Variants in IQCF6 observed in about 807,000 individuals in gnomAD.
The protein encoded by IQCF6 is IQ domain-containing protein F6.
In IQCF6, 15 loss-of-function variants were observed where a neutral mutation model predicts 16.8. The observed-to-expected ratio is 0.89, with a 90% CI of 0.60 to 1.37. The LOEUF (loss-of-function observed/expected upper bound fraction) is 1.37, where lower values mean the gene tolerates loss of function less well. Ranked by LOEUF, IQCF6 falls within the 40% of genes most tolerant of loss-of-function variation. IQCF6 has a pLI of 0.00. For synonymous variants in IQCF6, 64 were observed against 72.8 expected (o/e 0.88, Z 0.61); for missense variants, 169 against 197.4 (o/e 0.86, Z 0.86).
chr3:51,779,098 C>CCCCT lies in IQCF6; in HGVS notation c.72+51_72+54dup, dbSNP rs112635708. On this transcript the variant is annotated intron_variant, in intron 1 of 1. Transcript: ENST00000667863. ...GAGGAAAGAAGGCCTGGCCCAGGTG[C>CCCCT]CCCTGACTTCTTGTTTCTAGGGCCC... The CCCCT allele has an allele frequency of 1.9e-3, 2,703 of 1,435,524 alleles. 30 individuals carry two copies. In the African/African-American group the frequency reaches 0.028, roughly 15 times the overall value. 88.9% of individuals were successfully genotyped at this position (1,435,524 alleles called of 1,614,324 possible). A position where few individuals can be genotyped will look rare whatever the true frequency, so the allele number is the denominator to read the frequency against.
At chr3:51,779,033 G>T in intron 1 of IQCF6, 42 bp from the exon 2 acceptor site, 2 of 1,488,580 alleles carry the variant, frequency 1.3e-6, no homozygotes, top group Non-Finnish European at 1.8e-6. Context: ...CTCAATGGGG[G>T]ACCCTCCCCT....
chr3:51,779,124 A>C, intron 1 of IQCF6, 29 bp downstream of exon 1: 1 of 1,430,968 alleles, frequency 7.0e-7, no homozygotes, highest in Non-Finnish European at 9.1e-7. Context: ...TCTAGGGCCC[A>C]TCCATCTTGT....
Position 51,778,658 on chromosome 3 carries a change from G to A in IQCF6, c.406C>T (p.Arg136Trp), listed in dbSNP as rs958343726. ...AGGATTTCGATGTCAAGCTCCAGCC[G>A]GCTGGCTCTGACCTCATAGTGGCCC... The part of the protein sequence containing the change: ...IRGHYEVRAS[R>W]LELDIEILMT Residue 136 changes from arginine to tryptophan, a missense_variant, in exon 2 of 2, where the codon CGG becomes TGG. By Grantham distance (101) the Arg-to-Trp change is moderately radical. Coordinates refer to ENST00000667863, the MANE Select transcript of IQCF6 (RefSeq NM_001368369.1). The A allele has an allele frequency of 8.4e-5, 130 of 1,543,860 alleles. No homozygotes were observed. Among genetic ancestry groups the A allele is most frequent in the Admixed American group, 7.9e-4 (40 of 50,744 alleles).
At position 51,778,955 on chromosome 3, in the gene IQCF6, G is replaced by A. The variant is rs201204025; in HGVS notation, c.109C>T (p.Arg37Cys). Residue 37 changes from arginine (R) to cysteine (C), a missense_variant, in exon 2 of 2, where the codon CGT becomes TGT. Transcript: ENST00000667863. The stretch of plus-strand genomic sequence containing the variant: ...AACGTCCGGCGCACCATGTTTCCAC[G>A]CCACCATGACTGAATCTTTATGGCT... ...KTAIKIQSWW[R>C]GNMVRRTLLQ... The A allele has an allele frequency of 4.5e-6, 7 of 1,546,348 alleles. No homozygotes were observed. The highest frequency in any genetic ancestry group is 1.2e-5 in the South Asian group (1 of 83,888).
rs1704821596 is a variant in IQCF6, at chr3:51,779,142, C to G, written c.72+11G>C. 1 of 1,428,844 alleles carries G rather than the reference C, an allele frequency of 7.0e-7. No individual in the cohort carries two copies. Among genetic ancestry groups the G allele is most frequent in the East Asian group, 2.5e-5 (1 of 39,870 alleles). The allele number at this position is 1,428,844 out of a possible 1,614,324, so 88.5% of individuals were successfully genotyped here. ...AGGGCCCATCCATCTTGTTTCCAAT[C>G]CCCCACTCACATTTAGACACGGTTC... On this transcript the variant is annotated intron_variant, in intron 1 of 1. Transcript: ENST00000667863.
At position 51,778,593 on chromosome 3, in the gene IQCF6, A is replaced by G; in HGVS notation, c.*30T>C. On this transcript the variant is annotated 3_prime_UTR_variant, in exon 2 of 2. Coordinates refer to ENST00000667863, the MANE Select transcript of IQCF6 (RefSeq NM_001368369.1). The stretch of plus-strand genomic sequence containing the variant: ...TCAGTAAGGGTCTTTATTGGAAGAG[A>G]GATCCAGCCTCCTTGGCTCTGTCAG... 1 of 1,483,294 alleles carries G rather than the reference A, an allele frequency of 6.7e-7. No homozygotes were observed. The highest frequency in any genetic ancestry group is 9.0e-7 in the Non-Finnish European group (1 of 1,111,482). The allele number at this position is 1,483,294 out of a possible 1,614,324, so 91.9% of individuals were successfully genotyped here.
intron 1 of IQCF6, 75 bp from the exon 2 acceptor site, chr3:51,779,066 A>G (rs1352426708): frequency 2.8e-6 from 4 of 1,443,190 alleles, no homozygotes; most frequent in Non-Finnish European, 2.7e-6. Context: ...CCCATCTCTG[A>G]TCTTGGGAGG....
rs1308324829 is a variant in IQCF6, at chr3:51,778,879, A to G, written c.185T>C (p.Met62Thr). The G allele has an allele frequency of 2.6e-6, 4 of 1,551,918 alleles. No individual in the cohort carries two copies. Among genetic ancestry groups the G allele is most frequent in the Non-Finnish European group, 2.6e-6 (3 of 1,147,074 alleles). The change falls in exon 2 of 2, where the codon ATG becomes ACG. Residue 62 changes from methionine (M) to threonine (T), a missense_variant. By Grantham distance (81) the Met-to-Thr change is moderately conservative (BLOSUM62 -1). Transcript: ENST00000667863. Reference sequence around the variant, plus strand: ...TCTTTGCTCCAACATCTTGGCCTGCATTGACCTCCACCAGCACTGGATGAC... The same window carrying G: ...TCTTTGCTCCAACATCTTGGCCTGCGTTGACCTCCACCAGCACTGGATGAC... Reference protein sequence around the residue: ...AWVIQCWWRSMQAKMLEQRRR... With the variant: ...AWVIQCWWRSTQAKMLEQRRR...
At position 51,778,736 on chromosome 3, in the gene IQCF6, T is replaced by C. The variant is rs1218319192; in HGVS notation, c.328A>G (p.Ile110Val). 5.8e-6 allele frequency: 9 copies of C among 1,551,660 alleles called. No homozygotes were observed. The highest frequency in any genetic ancestry group is 5.2e-6 in the Non-Finnish European group (6 of 1,146,974). Residue 110 changes from isoleucine to valine, a missense_variant, in exon 2 of 2, where the codon ATC becomes GTC. By Grantham distance (29) the Ile-to-Val change is conservative. Transcript: ENST00000667863. ...RFLQARQAAC[I>V]IQSHWRWHAS... ...TGCCAGCGCCAGTGAGACTGGATGA[T>C]GCAGGCCGCTTGGCGTGCCTGGAGG...
chr3:51,778,783 A>T lies in IQCF6; in HGVS notation c.281T>A (p.Met94Lys), dbSNP rs1577588757. The T allele has an allele frequency of 1.3e-6, 2 of 1,551,700 alleles. No homozygotes were observed. Among genetic ancestry groups the T allele is most frequent in the Non-Finnish European group, 1.7e-6 (2 of 1,146,994 alleles). Residue 94 changes from methionine to lysine, a missense_variant, in exon 2 of 2, where the codon ATG becomes AAG. Met to Lys is a moderately conservative substitution (Grantham distance 95, BLOSUM62 -1). Coordinates refer to ENST00000667863, the MANE Select transcript of IQCF6 (RefSeq NM_001368369.1). ...AVVKVQAQVR[M>K]WQARRRFLQA... ...GAGGAACCGCCTGCGGGCCTGCCAC[A>T]TTCGAACCTGTGCCTGCACCTTCAC... is the stretch of plus-strand genomic sequence containing the variant.
At chr3:51,779,098 CCCCTGA>C (rs1704820880) in intron 1 of IQCF6, 49 bp downstream of exon 1, 8 of 1,435,412 alleles carry the variant, frequency 5.6e-6, no homozygotes, top group Non-Finnish European at 7.3e-6. Flanking sequence ...GGCCCAGGTG[CCCCTGA>C]CTTCTTGTTT....
rs1262561779 is a variant in IQCF6 at position 51,778,852 on chromosome 3, C to T, written c.212G>A (p.Arg71Gln). Residue 71 changes from arginine (R) to glutamine (Q), a missense_variant, in exon 2 of 2, where the codon CGG becomes CAG. By Grantham distance (43) the Arg-to-Gln change is conservative (BLOSUM62 1). Transcript: ENST00000667863. ...SMQAKMLEQRRRLALRLYTCQ... is the reference protein window; with the variant it reads ...SMQAKMLEQRQRLALRLYTCQ... ...GGTATAGAGTCTTAGTGCCAGGCGCCGTCTTTGCTCCAACATCTTGGCCTG... is the reference window on the plus strand; with the variant it reads ...GGTATAGAGTCTTAGTGCCAGGCGCTGTCTTTGCTCCAACATCTTGGCCTG... 12 of 1,551,842 alleles carry T rather than the reference C, an allele frequency of 7.7e-6. No individual in the cohort carries two copies. Among genetic ancestry groups the T allele is most frequent in the Middle Eastern group, 1.7e-4 (1 of 6,016 alleles).
rs779987231 is a variant in IQCF6, at chr3:51,778,641, G to T, written c.423C>A (p.Ile141=). Residue 141 remains isoleucine, a synonymous_variant, in exon 2 of 2, where the codon ATC becomes ATA. Coordinates refer to ENST00000667863, the MANE Select transcript of IQCF6 (RefSeq NM_001368369.1). ...EVRASRLELD[I]EILMT is the part of the protein sequence containing the mutation. ...CAGCGCCCTAGGTCATGAGGATTTC[G>T]ATGTCAAGCTCCAGCCGGCTGGCTC... 1 of 1,539,456 alleles carries T rather than the reference G, an allele frequency of 6.5e-7. No individual in the cohort carries two copies. The highest frequency in any genetic ancestry group is 1.2e-5 in the South Asian group (1 of 83,342).
chr3:51,778,994 G>T lies in IQCF6; in HGVS notation c.73-3C>A, dbSNP rs1704818633. On this transcript the variant is annotated splice_polypyrimidine_tract_variant and splice_region_variant and intron_variant, in intron 1 of 1. Coordinates refer to ENST00000667863, the MANE Select transcript of IQCF6 (RefSeq NM_001368369.1). ...ATCTTTATGGCTGTCTTCTCTAACT[G>T]ATTGGGGGAAAGGAAAAACAGGGAG... 1 of 1,519,104 alleles carries T rather than the reference G, an allele frequency of 6.6e-7. No homozygotes were observed. Among genetic ancestry groups the T allele is most frequent in the Non-Finnish European group, 8.9e-7 (1 of 1,126,526 alleles). 94.1% of individuals were successfully genotyped at this position (1,519,104 alleles called of 1,614,324 possible).
Position 51,778,789 on chromosome 3 carries a change from A to G in IQCF6, c.275T>C (p.Val92Ala), listed in dbSNP as rs1202813198. The change falls in exon 2 of 2, where the codon GTT becomes GCT. Residue 92 changes from valine to alanine, a missense_variant. Transcript: ENST00000667863. ...EWAVVKVQAQVRMWQARRRFL... is the reference protein window; with the variant it reads ...EWAVVKVQAQARMWQARRRFL... ...CCGCCTGCGGGCCTGCCACATTCGA[A>G]CCTGTGCCTGCACCTTCACCACCGC... 3 of 1,551,504 alleles carry G rather than the reference A, an allele frequency of 1.9e-6. No individual in the cohort carries two copies. Among genetic ancestry groups the G allele is most frequent in the Non-Finnish European group, 2.6e-6 (3 of 1,146,966 alleles).
Position 51,778,628 on chromosome 3 carries a change from T to C in IQCF6, c.436A>G (p.Thr146Ala), listed in dbSNP as rs921348305. 1.3e-6 allele frequency: 2 copies of C among 1,534,826 alleles called. No homozygotes were observed. The highest frequency in any genetic ancestry group is 1.4e-5 in the African/African-American group (1 of 72,634). The change falls in exon 2 of 2, where the codon ACC becomes GCC. Residue 146 changes from threonine (T) to alanine (A), a missense_variant. Thr to Ala is a moderately conservative substitution (Grantham distance 58). Coordinates refer to ENST00000667863, the MANE Select transcript of IQCF6 (RefSeq NM_001368369.1). ...TCCTTGGCTCTGTCAGCGCCCTAGG[T>C]CATGAGGATTTCGATGTCAAGCTCC... is the stretch of plus-strand genomic sequence containing the variant. ...RLELDIEILM[T>A] is the part of the protein sequence containing the mutation.
At chr3:51,779,021 T>C in intron 1 of IQCF6, 30 bp from the exon 2 acceptor site, 2 of 1,496,240 alleles carry the variant, frequency 1.3e-6, no homozygotes, top group Non-Finnish European at 1.8e-6. Context: ...AACAGGGAGA[T>C]GCTCAATGGG....
In IQCF6 at chr3:51,778,997, T is replaced by TG. The variant is rs1704818780; in HGVS notation, c.73-7dup. 1 of 1,516,520 alleles carries TG rather than the reference T, an allele frequency of 6.6e-7. No homozygotes were observed. The highest frequency in any genetic ancestry group is 1.4e-5 in the African/African-American group (1 of 72,308). The allele number at this position is 1,516,520 out of a possible 1,614,324, so 93.9% of individuals were successfully genotyped here. On this transcript the variant is annotated splice_polypyrimidine_tract_variant and splice_region_variant and intron_variant, in intron 1 of 1. Coordinates refer to ENST00000667863, the MANE Select transcript of IQCF6 (RefSeq NM_001368369.1). Reference sequence around the variant, plus strand: ...TTTATGGCTGTCTTCTCTAACTGATTGGGGGAAAGGAAAAACAGGGAGATG... The same window carrying TG: ...TTTATGGCTGTCTTCTCTAACTGATTGGGGGGAAAGGAAAAACAGGGAGATG...
chr3:51,778,862 C>T lies in IQCF6; in HGVS notation c.202G>A (p.Glu68Lys), dbSNP rs76524550. ...CTTAGTGCCAGGCGCCGTCTTTGCT[C>T]CAACATCTTGGCCTGCATTGACCTC... is the stretch of plus-strand genomic sequence containing the variant. ...WWRSMQAKML[E>K]QRRRLALRLY... The change falls in exon 2 of 2, where the codon GAG becomes AAG. Residue 68 changes from glutamate to lysine, a missense_variant. Coordinates refer to ENST00000667863, the MANE Select transcript of IQCF6 (RefSeq NM_001368369.1). The T allele has an allele frequency of 1.1e-3, 1,767 of 1,552,042 alleles. 30 individuals carry two copies. In the East Asian group the frequency reaches 0.031, roughly 27 times the overall value.
Sources: gnomAD v4.1 joint callset for allele counts on GRCh38, gnomAD v4.1.1 for gene constraint, MANE v1.5 for transcripts, NCBI Gene and HGNC (gene_info 2026-07-23, HGNC 2026-07-21) for gene names.